Variants in GABPB1 observed in about 807,000 individuals in gnomAD.
GABPB1 encodes the protein GA binding protein transcription factor subunit beta 1.
In GABPB1, 15 loss-of-function variants were observed where a neutral mutation model predicts 45.9. The ratio of observed to expected loss-of-function variants is 0.33; its 90% confidence interval spans 0.22 to 0.50. The LOEUF is 0.50. GABPB1 is among the 20% of genes least tolerant of loss of function. GABPB1 has a pLI of 0.98. For synonymous variants in GABPB1, 143 were observed against 154.4 expected (o/e 0.93, Z 0.55); for missense variants, 252 against 457.5 (o/e 0.55, Z 4.10).
intron 1 of GABPB1, among the ~76,000 whole-genome samples, chr15:50,332,007 T>TG (rs1334081535): frequency 6.6e-6 from 1 of 152,070 alleles, no homozygotes; most frequent in East Asian, 1.9e-4. Flanking sequence ...CCCAAGTAGC[T>TG]GGGATTACAG....
rs533052562 is a variant in GABPB1, at chr15:50,353,327, A to G, written c.-1+1658T>C. Reference sequence around the variant, plus strand: ...TCAGTCTTGTTAAAATGTGTCTTGCATAACAGCTTGATTTGACTTGTATGG... The same window carrying G: ...TCAGTCTTGTTAAAATGTGTCTTGCGTAACAGCTTGATTTGACTTGTATGG... On this transcript the variant is annotated intron_variant, in intron 1 of 8. Transcript: ENST00000380877. 4.6e-5 allele frequency: 7 copies of G among 152,294 alleles called. No individual in the cohort carries two copies. In the East Asian group the frequency reaches 1.3e-3, roughly 29 times the overall value. The allele number at this position is 152,294 out of a possible 1,614,324, so 9.4% of individuals were successfully genotyped here.
At chr15:50,309,462 T>C (rs1167277933) in intron 2 of GABPB1, among the ~76,000 whole-genome samples, 20 of 152,178 alleles carry the variant, frequency 1.3e-4, no homozygotes, top group Admixed American at 1.3e-3. Flanking sequence ...ACTCCACAGT[T>C]TGAAAGAAAA....
In GABPB1 at chr15:50,277,594, A is replaced by G. The variant is rs2045860196; in HGVS notation, c.*1038T>C. The G allele has an allele frequency of 6.6e-6, 1 of 152,540 alleles. No homozygotes were observed. The highest frequency in any genetic ancestry group is 2.4e-5 in the African/African-American group (1 of 41,472). 9.4% of individuals were successfully genotyped at this position (152,540 alleles called of 1,614,324 possible). A position where few individuals can be genotyped will look rare whatever the true frequency, so the allele number is the denominator to read the frequency against. On this transcript the variant is annotated 3_prime_UTR_variant, in exon 9 of 9. Coordinates refer to ENST00000380877, the MANE Select transcript of GABPB1 (RefSeq NM_016654.5). ...GACATGTCTATTGCATCACTGTAATACAAAAAGTTCCTGTTCTACATACAA... is the reference window on the plus strand; with the variant it reads ...GACATGTCTATTGCATCACTGTAATGCAAAAAGTTCCTGTTCTACATACAA...
Position 50,304,907 on chromosome 15 carries a change from G to A in GABPB1, c.109-774C>T, listed in dbSNP as rs553806386. 2.1e-4 allele frequency among the ~76,000 whole-genome samples: 32 copies of A among 152,176 alleles called. No individual in the cohort carries two copies. The South Asian group carries it at 3.7e-3, about 18-fold the overall frequency. ...GTTTTGTAGGTCTTAAAAAATTCAC[G>A]TATTGAAACATCTCAGTGATCTTTT... On this transcript the variant is annotated intron_variant, in intron 2 of 8. Coordinates refer to ENST00000380877, the MANE Select transcript of GABPB1 (RefSeq NM_016654.5).
intron 4 of GABPB1, among the ~76,000 whole-genome samples, chr15:50,302,643 CAAAAAAAAAAAAAA>C (rs60408137): frequency 1.1e-4 from 7 of 62,166 alleles, no homozygotes; most frequent in African/African-American, 2.4e-4. Context: ...GACTCTGGCT[CAAAAAAAAAAAAAA>C]AAAAAAAAAA....
At chr15:50,339,592 T>C (rs2048277318) in intron 1 of GABPB1, among the ~76,000 whole-genome samples, 1 of 152,164 alleles carries the variant, frequency 6.6e-6, no homozygotes. Flanking sequence ...ACATTCTCTA[T>C]TTCTCTATCT....
intron 6 of GABPB1, among the ~76,000 whole-genome samples, chr15:50,291,581 C>T (rs1410868617): frequency 2.0e-5 from 3 of 151,658 alleles, no homozygotes. Context: ...CTGCCTTGGC[C>T]TCCCAAAGTG....
intron 6 of GABPB1, among the ~76,000 whole-genome samples, chr15:50,292,013 GT>G: frequency 6.6e-6 from 1 of 151,856 alleles, no homozygotes; most frequent in African/African-American, 2.4e-5. Context: ...AAGACATCTA[GT>G]TAACATTTAA....
chr15:50,292,087 C>T (rs2046364002), intron 6 of GABPB1, among the ~76,000 whole-genome samples: 1 of 151,850 alleles, frequency 6.6e-6, no homozygotes, highest in Admixed American at 6.6e-5. Flanking sequence ...GTAATCCCAG[C>T]ACTTTGGGAG....
intron 2 of GABPB1, among the ~76,000 whole-genome samples, chr15:50,305,345 T>G (rs1218331508): frequency 1.3e-5 from 2 of 152,194 alleles, no homozygotes; most frequent in African/African-American, 4.8e-5. Flanking sequence ...GTTTAATTGT[T>G]GTTTGTTTAA....
chr15:50,351,082 C>T (rs543365969), intron 1 of GABPB1: 14 of 152,328 alleles, frequency 9.2e-5, no homozygotes, highest in African/African-American at 3.1e-4. Context: ...TCCGTTCCTA[C>T]CCTACTTAAG....
chr15:50,320,329 G>C (rs531351122), intron 1 of GABPB1, among the ~76,000 whole-genome samples: 3 of 152,112 alleles, frequency 2.0e-5, no homozygotes, highest in East Asian at 3.9e-4. Context: ...CACCAGGCCC[G>C]GCTAATTTTT....
intron 1 of GABPB1, among the ~76,000 whole-genome samples, chr15:50,344,474 A>C (rs2048491378): frequency 6.6e-6 from 1 of 152,232 alleles, no homozygotes; most frequent in Admixed American, 6.5e-5. Flanking sequence ...ATATGCAAAA[A>C]GGATGCAAGG....
chr15:50,286,945 T>C (rs1016564973), intron 7 of GABPB1, among the ~76,000 whole-genome samples: 2 of 152,234 alleles, frequency 1.3e-5, no homozygotes, highest in African/African-American at 4.8e-5. Flanking sequence ...TCCACGGCCT[T>C]TAAAATTTTT....
intron 1 of GABPB1, chr15:50,347,421 TAATA>T (rs1005677376): frequency 1.3e-5 from 2 of 152,030 alleles, no homozygotes; most frequent in African/African-American, 2.4e-5. Flanking sequence ...TTAAAAATAA[TAATA>T]AATATGGAAC....
At chr15:50,347,698 C>T (rs1356376720) in intron 1 of GABPB1, among the ~76,000 whole-genome samples, 1 of 152,162 alleles carries the variant, frequency 6.6e-6, no homozygotes, top group Non-Finnish European at 1.5e-5. Flanking sequence ...TCAGTCTCTA[C>T]ATGCACAGAA....
intron 6 of GABPB1, among the ~76,000 whole-genome samples, chr15:50,295,362 A>T (rs1200264592): frequency 1.3e-5 from 2 of 152,174 alleles, no homozygotes; most frequent in African/African-American, 2.4e-5. Flanking sequence ...TGGGTCCCCT[A>T]AAAAGTCAAG....
At chr15:50,281,430 C>G (rs141542926) in intron 8 of GABPB1, among the ~76,000 whole-genome samples, 6,308 of 152,174 alleles carry the variant, frequency 0.041, 188 homozygotes, top group Non-Finnish European at 0.064. Flanking sequence ...CCAGGATGGT[C>G]TCAATCTCCT....
intron 6 of GABPB1, among the ~76,000 whole-genome samples, chr15:50,296,743 C>T (rs921472138): frequency 2.0e-5 from 3 of 152,068 alleles, no homozygotes; most frequent in African/African-American, 7.2e-5. Context: ...TATATATAAA[C>T]ATTTCGAGAA....
Sources: gnomAD v4.1 joint callset for allele counts (sites outside exome capture counted in the v4.1 genomes callset) on GRCh38, gnomAD v4.1.1 for gene constraint, MANE v1.5 for transcripts, NCBI Gene and HGNC (gene_info 2026-07-23, HGNC 2026-07-21) for gene names.